TMEM223: variants seen among roughly 807,000 people sequenced by gnomAD.
TMEM223 encodes transmembrane protein 223.
A neutral mutation model predicts 14.1 loss-of-function variants in TMEM223; 14 were observed. The ratio of observed to expected loss-of-function variants is 0.99; its 90% CI spans 0.66 to 1.55. TMEM223 has a LOEUF of 1.55. Ranked by LOEUF, TMEM223 falls within the 40% of genes most tolerant of loss-of-function variation. The pLI, the probability that TMEM223 is intolerant of heterozygous loss-of-function variation, is 0.00. For missense variants in TMEM223, 346 were observed against 269.9 expected, an observed-to-expected ratio of 1.28 and a Z score of -1.97; for synonymous variants, 145 against 120.5, an observed-to-expected ratio of 1.20 and a Z score of -1.33.
intron 1 of TMEM223, chr11:62,778,574 T>G: frequency 1.6e-6 from 1 of 623,486 alleles, no homozygotes. Flanking sequence ...CTGGGCAGCA[T>G]GCTGGGGCGG....
chr11:62,780,385 C>T lies in TMEM223; in HGVS notation c.315-5720G>A, dbSNP rs576616366. Reference sequence around the variant, plus strand: ...AATTAGTCACGTGTGGTGGTGGACGCCTGTAATCCCAGCTACTCAGGAGGC... The same window carrying T: ...AATTAGTCACGTGTGGTGGTGGACGTCTGTAATCCCAGCTACTCAGGAGGC... On this transcript the variant is annotated intron_variant, in intron 1 of 2. Transcript: ENST00000528367. Among the ~76,000 whole-genome samples the T allele has an allele frequency of 1.6e-4, 24 of 151,916 alleles. No homozygotes were observed. The South Asian group carries it at 2.1e-3, about 13-fold the overall frequency.
At chr11:62,787,517 C>T (rs1424158850), downstream of TMEM223, 3 of 1,574,488 alleles carry the variant, frequency 1.9e-6, no homozygotes, top group Admixed American at 1.7e-5. Context: ...GCGGCGATGA[C>T]TCGGACCCAG....
At chr11:62,788,031 G>A (rs909836885), downstream of TMEM223, 6 of 457,724 alleles carry the variant, frequency 1.3e-5, no homozygotes, top group African/African-American at 1.0e-4. Context: ...CCCCAGCCAG[G>A]TAATCTGGTT....
downstream of TMEM223, among the ~76,000 whole-genome samples, chr11:62,783,590 A>G (rs1011116747): frequency 6.7e-6 from 1 of 149,392 alleles, no homozygotes; most frequent in Non-Finnish European, 1.5e-5. Context: ...GCTAGAGTAC[A>G]GTGGCATGAT....
At chr11:62,787,378 G>T (rs1337144565), downstream of TMEM223, 5 of 1,550,910 alleles carry the variant, frequency 3.2e-6, no homozygotes, top group Non-Finnish European at 4.3e-6. Context: ...GCCGGATAAG[G>T]TGGGCTTTGG....
At chr11:62,788,407 C>G (rs2084314529), downstream of TMEM223, among the ~76,000 whole-genome samples, 1 of 147,242 alleles carries the variant, frequency 6.8e-6, no homozygotes, top group South Asian at 2.1e-4. Context: ...ATCGCAAAAA[C>G]AAAAACAAAA....
At chr11:62,782,107 C>T (rs1272562587) in intron 1 of TMEM223, 2 of 1,600,226 alleles carry the variant, frequency 1.2e-6, no homozygotes, top group African/African-American at 1.3e-5. Context: ...CCTCTTCTCC[C>T]AACAGGTGAA....
downstream of TMEM223, chr11:62,787,636 C>G: frequency 7.4e-7 from 1 of 1,352,636 alleles, no homozygotes; most frequent in Non-Finnish European, 9.8e-7. Flanking sequence ...GCCGGTGGAC[C>G]TGGTGAGGCA....
At chr11:62,779,807 A>T (rs1399116089) in intron 1 of TMEM223, among the ~76,000 whole-genome samples, 1 of 149,260 alleles carries the variant, frequency 6.7e-6, no homozygotes, top group Non-Finnish European at 1.5e-5. Flanking sequence ...CTGGGATTAC[A>T]GGGGCATACC....
intron 1 of TMEM223, 28 bp downstream of exon 1, chr11:62,791,651 C>T: frequency 2.7e-6 from 4 of 1,500,852 alleles, no homozygotes; most frequent in Non-Finnish European, 3.6e-6. Flanking sequence ...CCCACGTTGT[C>T]ACAGTGGGAA....
chr11:62,790,584 T>A lies in TMEM223; in HGVS notation c.*39A>T. 1 of 1,556,534 alleles carries A rather than the reference T, an allele frequency of 6.4e-7. No individual in the cohort carries two copies. The highest frequency in any genetic ancestry group is 8.7e-7 in the Non-Finnish European group (1 of 1,144,818). ...CTGGCTCCCCAAGGTTCAGTTTTTATCCTCCTCTTGGAGAGGTGAGTGACT... is the reference window on the plus strand; with the variant it reads ...CTGGCTCCCCAAGGTTCAGTTTTTAACCTCCTCTTGGAGAGGTGAGTGACT... On this transcript the variant is annotated 3_prime_UTR_variant, in exon 2 of 2. Transcript: ENST00000307366.
chr11:62,779,675 AT>A (rs1335989637), intron 1 of TMEM223, among the ~76,000 whole-genome samples: 5 of 149,714 alleles, frequency 3.3e-5, no homozygotes, highest in African/African-American at 1.2e-4. Flanking sequence ...TTAAAAAAAC[AT>A]TTTTTTTAAG....
intron 1 of TMEM223, among the ~76,000 whole-genome samples, chr11:62,777,578 T>C (rs2084196571): frequency 6.6e-6 from 1 of 152,162 alleles, no homozygotes; most frequent in African/African-American, 2.4e-5. Context: ...GCATTCAGGC[T>C]AAGGGAGGAG....
intron 1 of TMEM223, chr11:62,776,421 A>G: frequency 6.2e-7 from 1 of 1,613,858 alleles, no homozygotes; most frequent in South Asian, 1.1e-5. Flanking sequence ...AAACGCCGGA[A>G]GCTGACGGTT....
chr11:62,773,939 A>G (rs1443014234), intron 2 of TMEM223, among the ~76,000 whole-genome samples: 1 of 152,190 alleles, frequency 6.6e-6, no homozygotes, highest in Admixed American at 6.6e-5. Flanking sequence ...AGGTCCTAAA[A>G]TAGGTGTATT....
downstream of TMEM223, chr11:62,786,764 C>G (rs748865135): frequency 6.2e-7 from 1 of 1,612,766 alleles, no homozygotes; most frequent in Non-Finnish European, 8.5e-7. Flanking sequence ...GAGCTCTACG[C>G]CTTCTTCGGT....
downstream of TMEM223, chr11:62,787,994 G>A: frequency 6.5e-6 from 3 of 463,360 alleles, no homozygotes; most frequent in South Asian, 3.1e-5. Flanking sequence ...TGACGTAAAG[G>A]TAGAAGCCAA....
Position 62,790,058 on chromosome 11 carries a change from G to A in TMEM223, c.*565C>T. 1 of 1,599,368 alleles carries A rather than the reference G, an allele frequency of 6.3e-7. No homozygotes were observed. The highest frequency in any genetic ancestry group is 8.5e-7 in the Non-Finnish European group (1 of 1,171,796). ...CTTTCCCATTCCTGAAGAATAAGCG[G>A]AGTGCTTCCTGCAGCCGAAGACTCC... On this transcript the variant is annotated 3_prime_UTR_variant, in exon 2 of 2. Coordinates refer to ENST00000307366, the MANE Select transcript of TMEM223 (RefSeq NM_001080501.3).
At chr11:62,772,231 G>A in intron 2 of TMEM223, 1 of 430,394 alleles carries the variant, frequency 2.3e-6, no homozygotes, top group Non-Finnish European at 4.7e-6. Flanking sequence ...ATAGTACAGT[G>A]CTATTCGTGG....
Sources: gnomAD v4.1 joint callset for allele counts (sites outside exome capture counted in the v4.1 genomes callset) on GRCh38, gnomAD v4.1.1 for gene constraint, MANE v1.5 for transcripts, NCBI Gene and HGNC (gene_info 2026-07-23, HGNC 2026-07-21) for gene names.